The following SCFD2 variants were observed in gnomAD, a reference collection of about 807,000 sequenced individuals.
SCFD2 encodes the protein sec1 family domain-containing protein 2.
Under a neutral mutation model 58.9 loss-of-function variants are expected in SCFD2, and 54 were observed. The observed-to-expected ratio is 0.92, with a 90% CI of 0.74 to 1.15. The LOEUF is 1.15. Among genes scored for constraint, SCFD2 ranks in the 50% most tolerant of loss-of-function variants. The pLI, the probability that SCFD2 is intolerant of heterozygous loss-of-function variation, is 0.00. For synonymous variants in SCFD2, 321 were observed against 335.9 expected (o/e 0.96, Z 0.49); for missense variants, 805 against 836.6 (o/e 0.96, Z 0.47).
chr4:53,327,003 A>T (rs1733219773), intron 2 of SCFD2, among the ~76,000 whole-genome samples: 1 of 147,258 alleles, frequency 6.8e-6, no homozygotes, highest in Non-Finnish European at 1.5e-5. Context: ...AGTCCAAATA[A>T]GAAAAAAAAA....
At chr4:52,895,155 C>T (rs1249741414) in intron 7 of SCFD2, among the ~76,000 whole-genome samples, 1 of 152,022 alleles carries the variant, frequency 6.6e-6, no homozygotes, top group African/African-American at 2.4e-5. Context: ...GTATTTTCTG[C>T]TCCTCATGCT....
rs757242395 is a variant in SCFD2, at chr4:53,352,616, C to A, written c.989G>T (p.Gly330Val). 5 of 1,612,970 alleles carry A rather than the reference C, an allele frequency of 3.1e-6. No individual in the cohort carries two copies. The South Asian group carries it at 5.5e-5, about 18-fold the overall frequency. The change falls in exon 2 of 9, where the codon GGC becomes GTC. Residue 330 changes from glycine (G) to valine (V), a missense_variant. By Grantham distance (109) the Gly-to-Val change is moderately radical (BLOSUM62 -3). Around this residue, in one of 3 missense-constraint regions of SCFD2, gnomAD observed 633 missense variants for 646.8 expected, o/e 0.98. Coordinates refer to ENST00000401642, the MANE Select transcript of SCFD2 (RefSeq NM_152540.4). The part of the protein sequence containing the change: ...EEENYNVVAP[G>V]CLSQSSDTTA... The stretch of plus-strand genomic sequence containing the variant: ...ATCTTACCTGGATTGTGAAAGACAG[C>A]CTGGTGCAACCACATTATAATTTTC...
At chr4:53,097,781 C>A (rs1422481708) in intron 5 of SCFD2, among the ~76,000 whole-genome samples, 1 of 152,146 alleles carries the variant, frequency 6.6e-6, no homozygotes, top group Admixed American at 6.5e-5. Flanking sequence ...AGAGGGCATC[C>A]CTGTCTTGTG....
chr4:53,355,133 A>T lies in SCFD2; in HGVS notation c.839-2367T>A, dbSNP rs999788803. On this transcript the variant is annotated intron_variant, in intron 1 of 8. Coordinates refer to ENST00000401642, the MANE Select transcript of SCFD2 (RefSeq NM_152540.4). The stretch of plus-strand genomic sequence containing the variant: ...TGTCTTTAAGTCTTATATGGAATAA[A>T]ATGAGAAGCAAGCATTGAGAAGTCT... Among the ~76,000 whole-genome samples, 7 of 152,340 alleles carry T rather than the reference A, an allele frequency of 4.6e-5. No individual in the cohort carries two copies. In the East Asian group the frequency reaches 1.3e-3, roughly 29 times the overall value.
At chr4:52,980,498 A>G (rs192773461) in intron 5 of SCFD2, among the ~76,000 whole-genome samples, 1 of 152,180 alleles carries the variant, frequency 6.6e-6, no homozygotes, top group Admixed American at 6.5e-5. Flanking sequence ...AAGTGGTTTT[A>G]GTGAGGCCCC....
intron 5 of SCFD2, among the ~76,000 whole-genome samples, chr4:53,051,449 G>A (rs1286950992): frequency 6.6e-6 from 1 of 152,094 alleles, no homozygotes; most frequent in Admixed American, 6.6e-5. Flanking sequence ...CCAGCAGTAT[G>A]GTCAGAAGTT....
At chr4:53,042,427 C>T (rs1311342049) in intron 5 of SCFD2, among the ~76,000 whole-genome samples, 2 of 152,088 alleles carry the variant, frequency 1.3e-5, no homozygotes, top group African/African-American at 4.8e-5. Flanking sequence ...GCAAAGGTGT[C>T]CCTTCCCTGT....
chr4:53,313,568 G>A (rs1305434948), intron 3 of SCFD2, 68 bp downstream of exon 3: 8 of 1,588,398 alleles, frequency 5.0e-6, no homozygotes, highest in Admixed American at 3.4e-5. Flanking sequence ...GGCTAGCTTG[G>A]CCCACAATTC....
intron 4 of SCFD2, among the ~76,000 whole-genome samples, chr4:53,243,105 C>T (rs568643596): frequency 2.6e-4 from 39 of 152,298 alleles, no homozygotes; most frequent in Non-Finnish European, 5.1e-4. Context: ...GAGAGGCCAA[C>T]ATTCAAATTC....
At chr4:53,125,264 A>T (rs1314189884) in intron 5 of SCFD2, among the ~76,000 whole-genome samples, 3 of 152,216 alleles carry the variant, frequency 2.0e-5, no homozygotes, top group Non-Finnish European at 4.4e-5. Flanking sequence ...ACAGTTGGGG[A>T]AAATAACTTA....
chr4:53,328,865 T>G (rs1733310767), intron 2 of SCFD2, among the ~76,000 whole-genome samples: 1 of 152,158 alleles, frequency 6.6e-6, no homozygotes, highest in South Asian at 2.1e-4. Context: ...TGCCAGACAG[T>G]GGGCGCAGGT....
chr4:53,160,475 G>C (rs1726820264), intron 4 of SCFD2, among the ~76,000 whole-genome samples: 1 of 152,190 alleles, frequency 6.6e-6, no homozygotes, highest in African/African-American at 2.4e-5. Flanking sequence ...TGAATACGGA[G>C]TATAAGCAAA....
At chr4:53,098,495 A>AT (rs2148873050) in intron 5 of SCFD2, among the ~76,000 whole-genome samples, 1 of 152,144 alleles carries the variant, frequency 6.6e-6, no homozygotes, top group Non-Finnish European at 1.5e-5. Flanking sequence ...TTTGTAGTTT[A>AT]TTTGCGCAGA....
intron 4 of SCFD2, among the ~76,000 whole-genome samples, chr4:53,183,029 T>C (rs1485361216): frequency 6.6e-5 from 10 of 152,024 alleles, no homozygotes; most frequent in Non-Finnish European, 1.3e-4. Context: ...TGTGGAGAAA[T>C]AGGAACACTT....
In SCFD2 at chr4:52,912,516, G is replaced by GA. The variant is rs372433453; in HGVS notation, c.1708-4926dup. Among the ~76,000 whole-genome samples the GA allele has an allele frequency of 1.8e-3, 265 of 146,716 alleles. 1 individual carries two copies. Among genetic ancestry groups the GA allele is most frequent in the Middle Eastern group, 0.017 (5 of 286 alleles). ...TTTCCTACTTGAATGGGAATATGGG[G>GA]AAAAAAAAAACCCTCTAAATTTTCT... is the stretch of plus-strand genomic sequence containing the variant. On this transcript the variant is annotated intron_variant, in intron 6 of 8. Transcript: ENST00000401642.
At chr4:53,026,491 G>A (rs1298388053) in intron 5 of SCFD2, among the ~76,000 whole-genome samples, 1 of 152,156 alleles carries the variant, frequency 6.6e-6, no homozygotes, top group Non-Finnish European at 1.5e-5. Flanking sequence ...CAGCAACATA[G>A]CCACAAGGCC....
Position 53,365,691 on chromosome 4 carries a change from C to T in SCFD2, c.251G>A (p.Arg84Gln). 2 of 1,614,174 alleles carry T rather than the reference C, an allele frequency of 1.2e-6. No individual in the cohort carries two copies. The highest frequency in any genetic ancestry group is 1.7e-6 in the Non-Finnish European group (2 of 1,180,026). The change falls in exon 1 of 9, where the codon CGG becomes CAG. Residue 84 changes from arginine to glutamine, a missense_variant. Coordinates refer to ENST00000401642, the MANE Select transcript of SCFD2 (RefSeq NM_152540.4). This position sits in a 1 kb window ranked among gnomAD's most constrained non-coding sequence, Gnocchi z 4.3. ...GATGTCCCGTAGGATCTCCACGGTC[C>T]GGCCTTTCAGCAGGCAGCTCAGCAC... ...VFVLSCLLKG[R>Q]TVEILRDIIC...
chr4:53,206,417 G>A (rs1178432356), intron 4 of SCFD2, among the ~76,000 whole-genome samples: 3 of 152,130 alleles, frequency 2.0e-5, no homozygotes, highest in African/African-American at 7.2e-5. Flanking sequence ...TCAGAGATAT[G>A]CATGACTTTG....
At chr4:53,063,639 T>G (rs1314163656) in intron 5 of SCFD2, among the ~76,000 whole-genome samples, 1 of 152,088 alleles carries the variant, frequency 6.6e-6, no homozygotes, top group Non-Finnish European at 1.5e-5. Flanking sequence ...TCTGTCTGAC[T>G]CTAGGACAAT....
Sources: gnomAD v4.1 joint callset for allele counts (sites outside exome capture counted in the v4.1 genomes callset) on GRCh38, gnomAD v4.1.1 for gene constraint, gnomAD v4.1.1 regional missense constraint, Gnocchi (gnomAD v3.1) non-coding constraint, MANE v1.5 for transcripts, NCBI Gene and HGNC (gene_info 2026-07-23, HGNC 2026-07-21) for gene names.